LMAN2L: variants seen among roughly 807,000 people sequenced by gnomAD.
LMAN2L encodes lectin, mannose binding 2 like, also known as VIP36-like protein.
In LMAN2L, 30 loss-of-function variants were observed where a neutral mutation model predicts 44.3. That is an observed-to-expected ratio of 0.68 (90% CI 0.51 to 0.92). LMAN2L has a LOEUF of 0.92. LMAN2L is among the 40% of genes least tolerant of loss of function. The pLI is 0.00. For synonymous variants in LMAN2L, 183 were observed against 171.1 expected (o/e 1.07, Z -0.54); for missense variants, 429 against 446.1 (o/e 0.96, Z 0.35).
At chr2:96,735,527 T>C (rs1379642328) in intron 2 of LMAN2L, among the ~76,000 whole-genome samples, 1 of 152,234 alleles carries the variant, frequency 6.6e-6, no homozygotes, top group East Asian at 1.9e-4. Context: ...TTCTTATCTC[T>C]CTGCTGTTTC....
intron 4 of LMAN2L, among the ~76,000 whole-genome samples, chr2:96,721,910 G>C (rs2078164996): frequency 6.6e-6 from 1 of 152,144 alleles, no homozygotes; most frequent in South Asian, 2.1e-4. Flanking sequence ...CCATGAACCG[G>C]GGAGTTGGAG....
chr2:96,725,398 G>T (rs770588138), intron 4 of LMAN2L, among the ~76,000 whole-genome samples: 3 of 151,804 alleles, frequency 2.0e-5, no homozygotes, highest in Non-Finnish European at 4.4e-5. Context: ...ACCACACCTG[G>T]CCCCAACAAT....
At chr2:96,725,601 C>G (rs1279874033) in intron 4 of LMAN2L, among the ~76,000 whole-genome samples, 1 of 151,640 alleles carries the variant, frequency 6.6e-6, no homozygotes, top group Non-Finnish European at 1.5e-5. Flanking sequence ...CGCCACCATG[C>G]CCGGCTGATT....
At chr2:96,726,193 T>C (rs959376532) in intron 4 of LMAN2L, among the ~76,000 whole-genome samples, 2 of 151,668 alleles carry the variant, frequency 1.3e-5, no homozygotes, top group Non-Finnish European at 2.9e-5. Flanking sequence ...TTTTGCATAT[T>C]TTATAATATT....
chr2:96,732,791 CT>C (rs567344079), intron 4 of LMAN2L, among the ~76,000 whole-genome samples: 393 of 141,736 alleles, frequency 2.8e-3, no homozygotes, highest in Non-Finnish European at 2.6e-3. Flanking sequence ...TTCTTTCTTT[CT>C]TTTTTTTTTT....
Position 96,707,382 on chromosome 2 carries a change from C to A in LMAN2L, c.921G>T (p.Pro307=), listed in dbSNP as rs746099301. The A allele has an allele frequency of 1.2e-6, 2 of 1,612,014 alleles. No individual in the cohort carries two copies. The highest frequency in any genetic ancestry group is 2.7e-5 in the African/African-American group (2 of 74,884). The part of the protein sequence containing the change: ...MKLPEMTAPL[P]PLSGLALFLI... ...GGAAGAGGGCCAGGCCACTCAGGGG[C>A]GGCAGTGGAGCTGTCACTGAGGAAG... Residue 307 remains proline (P), a synonymous_variant, in exon 8 of 8, where the codon CCG becomes CCT. Transcript: ENST00000264963.
At position 96,739,761 on chromosome 2, in the gene LMAN2L, G is replaced by T. The variant is rs1031270962; in HGVS notation, c.187+93C>A. ...CACCACCGCCAGCAGTTTCCTCCGGGCCACGAAGCCCTTCGCCGCCCCCGC... is the reference window on the plus strand; with the variant it reads ...CACCACCGCCAGCAGTTTCCTCCGGTCCACGAAGCCCTTCGCCGCCCCCGC... On this transcript the variant is annotated intron_variant, in intron 1 of 7. Transcript: ENST00000264963. The T allele has an allele frequency of 6.1e-6, 8 of 1,319,314 alleles. No individual in the cohort carries two copies. In the African/African-American group the frequency reaches 1.2e-4, roughly 19 times the overall value. 81.7% of individuals were successfully genotyped at this position (1,319,314 alleles called of 1,614,324 possible).
At chr2:96,731,608 C>T (rs2078399104) in intron 4 of LMAN2L, among the ~76,000 whole-genome samples, 1 of 151,762 alleles carries the variant, frequency 6.6e-6, no homozygotes, top group South Asian at 2.1e-4. Context: ...CGAGATTGCA[C>T]CACTGCACTC....
chr2:96,728,192 A>G (rs1230598889), intron 4 of LMAN2L, among the ~76,000 whole-genome samples: 3 of 152,234 alleles, frequency 2.0e-5, no homozygotes, highest in African/African-American at 7.2e-5. Context: ...AGATCTAAGA[A>G]CTGAAATTGC....
At chr2:96,734,995 C>T (rs1284116416) in intron 2 of LMAN2L, among the ~76,000 whole-genome samples, 1 of 152,040 alleles carries the variant, frequency 6.6e-6, no homozygotes, top group Admixed American at 6.6e-5. Context: ...AAAAGCTAAG[C>T]TGTTATGCAA....
intron 4 of LMAN2L, among the ~76,000 whole-genome samples, chr2:96,720,461 C>G (rs2078127023): frequency 6.6e-6 from 1 of 151,882 alleles, no homozygotes; most frequent in Non-Finnish European, 1.5e-5. Context: ...GCAAGATAAT[C>G]AGGTTATCTT....
chr2:96,734,631 C>A, intron 2 of LMAN2L, 105 bp from the exon 3 acceptor site: 1 of 745,198 alleles, frequency 1.3e-6, no homozygotes, highest in South Asian at 1.5e-5. Context: ...GCAGGTAACA[C>A]TAGACTAAGG....
rs920549694 is a variant in LMAN2L at position 96,733,064 on chromosome 2, T to A, written c.507+455A>T. 3.3e-5 allele frequency among the ~76,000 whole-genome samples: 5 copies of A among 152,128 alleles called. No individual in the cohort carries two copies. In the South Asian group the frequency reaches 1.0e-3, roughly 32 times the overall value. On this transcript the variant is annotated intron_variant, in intron 4 of 7. Transcript: ENST00000264963. ...ACACCTGGCCAATTATAGCCTTTTC[T>A]ATAGGCGAGGAGAACTGTTCTTCAG...
chr2:96,738,093 A>C, intron 1 of LMAN2L, 26 bp from the exon 2 acceptor site: 4 of 1,523,622 alleles, frequency 2.6e-6, no homozygotes, highest in Non-Finnish European at 2.7e-6. Context: ...AGATCAGTTC[A>C]TACTTTTCAA....
intron 4 of LMAN2L, among the ~76,000 whole-genome samples, chr2:96,728,333 C>T (rs1166613007): frequency 6.6e-6 from 1 of 151,878 alleles, no homozygotes; most frequent in Non-Finnish European, 1.5e-5. Flanking sequence ...CCCGTCTCTA[C>T]TAAAAATACA....
At chr2:96,737,521 C>T (rs994000809) in intron 2 of LMAN2L, among the ~76,000 whole-genome samples, 1 of 152,140 alleles carries the variant, frequency 6.6e-6, no homozygotes, top group Admixed American at 6.5e-5. Context: ...GGTGCAGTGG[C>T]ACATGCCTGT....
intron 6 of LMAN2L, among the ~76,000 whole-genome samples, chr2:96,708,908 C>CCT (rs2077847497): frequency 1.1e-5 from 1 of 89,248 alleles, no homozygotes. Flanking sequence ...TGAAGTTAGA[C>CCT]TTTTTTTTTT....
Position 96,707,723 on chromosome 2 carries a change from G to C in LMAN2L, c.895C>G (p.Leu299Val). The C allele has an allele frequency of 6.2e-7, 1 of 1,614,110 alleles. No homozygotes were observed. The highest frequency in any genetic ancestry group is 8.5e-7 in the Non-Finnish European group (1 of 1,180,012). Reference protein sequence around the residue: ...VFLPSVDNMKLPEMTAPLPPL... With the variant: ...VFLPSVDNMKVPEMTAPLPPL... ...GGGCCCCTGTGCTCACTCTCAGGCA[G>C]CTTCATATTGTCCACTGAGGGCAAG... is the stretch of plus-strand genomic sequence containing the variant. Residue 299 changes from leucine (L) to valine (V), a missense_variant, in exon 7 of 8, where the codon CTG (leucine) becomes GTG (valine). Leu to Val is a conservative substitution (Grantham distance 32). Coordinates refer to ENST00000264963, the MANE Select transcript of LMAN2L (RefSeq NM_030805.4).
At position 96,726,711 on chromosome 2, in the gene LMAN2L, G is replaced by C. The variant is rs543082455; in HGVS notation, c.507+6808C>G. 2.0e-5 allele frequency among the ~76,000 whole-genome samples: 3 copies of C among 152,178 alleles called. No homozygotes were observed. In the East Asian group the frequency reaches 5.8e-4, roughly 29 times the overall value. Reference sequence around the variant, plus strand: ...GGGCAGGAGAATTGCTTGAACCCAGGAGGTGGAGATTGCAGTGGGCAGAGA... The same window carrying C: ...GGGCAGGAGAATTGCTTGAACCCAGCAGGTGGAGATTGCAGTGGGCAGAGA... On this transcript the variant is annotated intron_variant, in intron 4 of 7. Transcript: ENST00000264963.
Sources: gnomAD v4.1 joint callset for allele counts (sites outside exome capture counted in the v4.1 genomes callset) on GRCh38, gnomAD v4.1.1 for gene constraint, MANE v1.5 for transcripts, NCBI Gene and HGNC (gene_info 2026-07-23, HGNC 2026-07-21) for gene names.